FAS: variants seen among roughly 807,000 people sequenced by gnomAD.
FAS encodes the protein tumor necrosis factor receptor superfamily member 6.
Under a neutral mutation model 33.2 loss-of-function variants are expected in FAS, and 5 were observed. That is an observed-to-expected ratio of 0.15 (90% CI 0.08 to 0.32). FAS has a LOEUF of 0.32. Ranked by LOEUF, FAS falls within the 10% of genes least tolerant of loss-of-function variation. The pLI is 1.00. For missense variants in FAS, 339 were observed against 386.0 expected (o/e 0.88, Z 1.02); for synonymous variants, 131 against 130.7 (o/e 1.00, Z -0.01).
At chr10:88,991,908 G>A (rs534233828) in intron 1 of FAS, among the ~76,000 whole-genome samples, 2 of 152,316 alleles carry the variant, frequency 1.3e-5, no homozygotes, top group Admixed American at 1.3e-4. Context: ...GCCTCTGAGA[G>A]TCCATGGATT....
chr10:89,004,406 G>A (rs1203964603), intron 2 of FAS, among the ~76,000 whole-genome samples: 1 of 151,626 alleles, frequency 6.6e-6, no homozygotes. Context: ...GGGTACACAT[G>A]CACAATCTGC....
intron 2 of FAS, 63 bp from the exon 3 acceptor site, chr10:89,007,637 A>G (rs1377443348): frequency 6.3e-7 from 1 of 1,595,630 alleles, no homozygotes; most frequent in African/African-American, 1.4e-5. Context: ...ATCCCTCTAT[A>G]GTTCCCACCC....
chr10:89,012,593 G>C (rs1187298224), intron 7 of FAS: 2 of 159,470 alleles, frequency 1.3e-5, no homozygotes. Flanking sequence ...CACAAAAACC[G>C]TAAGAATCAA....
rs748741856 is a variant in FAS at position 89,015,715 on chromosome 10, AT to A, written c.*1272del. 1.8e-5 allele frequency: 9 copies of A among 498,882 alleles called. No individual in the cohort carries two copies. The highest frequency in any genetic ancestry group is 5.6e-5 in the African/African-American group (3 of 53,122). The allele number at this position is 498,882 out of a possible 1,614,324, so 30.9% of individuals were successfully genotyped here. On this transcript the variant is annotated 3_prime_UTR_variant, in exon 9 of 9. Coordinates refer to ENST00000652046, the MANE Select transcript of FAS (RefSeq NM_000043.6). ...CCTAAAGAACTTCCATTTATGGAGG[AT>A]TTTTTTGCCCCTTGTGTTTGGAATT...
chr10:88,968,665 G>A (rs1337292969), intron 1 of FAS, among the ~76,000 whole-genome samples: 1 of 152,146 alleles, frequency 6.6e-6, no homozygotes, highest in Admixed American at 6.6e-5. Flanking sequence ...GACTTTATAA[G>A]GGAAGGCAGC....
intron 1 of FAS, among the ~76,000 whole-genome samples, chr10:88,964,335 T>C (rs1352810008): frequency 6.6e-6 from 1 of 152,182 alleles, no homozygotes; most frequent in Non-Finnish European, 1.5e-5. Flanking sequence ...AGAAGTGGCT[T>C]AGAACTCTGG....
Position 89,012,094 on chromosome 10 carries a change from A to T in FAS, c.651+13A>T, listed in dbSNP as rs1046083164. 6.3e-7 allele frequency: 1 copy of T among 1,598,028 alleles called. No homozygotes were observed. The highest frequency in any genetic ancestry group is 1.7e-5 in the Admixed American group (1 of 59,954). ...AACTTTAAATCCTGTAGGTATTGAA[A>T]TAGGTATCAGCTTTCCTTGAAAAGA... On this transcript the variant is annotated intron_variant, in intron 7 of 8. Coordinates refer to ENST00000652046, the MANE Select transcript of FAS (RefSeq NM_000043.6).
At chr10:88,968,787 T>C (rs1158950432) in intron 1 of FAS, among the ~76,000 whole-genome samples, 1 of 152,210 alleles carries the variant, frequency 6.6e-6, no homozygotes, top group Non-Finnish European at 1.5e-5. Context: ...TGTCCTCTTT[T>C]CTAGTACCAT....
At chr10:89,010,157 C>T (rs1438215757) in intron 4 of FAS, among the ~76,000 whole-genome samples, 1 of 152,154 alleles carries the variant, frequency 6.6e-6, no homozygotes, top group African/African-American at 2.4e-5. Flanking sequence ...TTTTCTTGGT[C>T]TATAGGAATT....
upstream of FAS, among the ~76,000 whole-genome samples, chr10:88,987,735 C>G (rs559074332): frequency 6.6e-6 from 1 of 152,318 alleles, no homozygotes; most frequent in Admixed American, 6.5e-5. Flanking sequence ...TACCCAAGCC[C>G]TGGGATTGGT....
upstream of FAS, among the ~76,000 whole-genome samples, chr10:88,981,951 A>G (rs563465909): frequency 2.0e-5 from 3 of 152,342 alleles, no homozygotes; most frequent in Admixed American, 2.0e-4. Flanking sequence ...AGTTACCTCT[A>G]TGTGAATCAG....
chr10:89,005,060 TTGA>T (rs1258271821), intron 2 of FAS, among the ~76,000 whole-genome samples: 1 of 152,124 alleles, frequency 6.6e-6, no homozygotes, highest in East Asian at 1.9e-4. Flanking sequence ...TAAAATGTTG[TTGA>T]TGAATTTTGT....
chr10:88,978,966 C>G (rs112802158), intron 2 of FAS, among the ~76,000 whole-genome samples: 1 of 151,758 alleles, frequency 6.6e-6, no homozygotes, highest in Non-Finnish European at 1.5e-5. Flanking sequence ...CACTGCATAG[C>G]ATCTTTTCTA....
chr10:88,979,288 G>A (rs757995460), intron 2 of FAS, among the ~76,000 whole-genome samples: 74 of 152,010 alleles, frequency 4.9e-4, no homozygotes, highest in Non-Finnish European at 8.8e-4. Flanking sequence ...TGAGGTCAGC[G>A]AGTTTCCCGG....
At chr10:88,991,935 C>G (rs1223945832) in intron 1 of FAS, among the ~76,000 whole-genome samples, 1 of 152,060 alleles carries the variant, frequency 6.6e-6, no homozygotes, top group Admixed American at 6.5e-5. Flanking sequence ...TTATTGGGCC[C>G]CAACAAAGTG....
At chr10:89,006,642 CT>C (rs1180242493) in intron 2 of FAS, among the ~76,000 whole-genome samples, 1 of 152,140 alleles carries the variant, frequency 6.6e-6, no homozygotes, top group East Asian at 1.9e-4. Flanking sequence ...CTTCATCTAG[CT>C]TTCCCCATAG....
chr10:88,996,353 T>TA (rs1847592541), intron 1 of FAS, among the ~76,000 whole-genome samples: 1 of 151,958 alleles, frequency 6.6e-6, no homozygotes, highest in Non-Finnish European at 1.5e-5. Context: ...GAAAGACAAA[T>TA]ACTGCATGAT....
rs988532417 is a variant in FAS, at chr10:88,994,152, G to C, written c.30+3246G>C. Among the ~76,000 whole-genome samples the C allele has an allele frequency of 2.0e-5, 3 of 152,260 alleles. No individual in the cohort carries two copies. The East Asian group carries it at 5.8e-4, about 29-fold the overall frequency. ...ATTTCCTTCTGAATACTCTTATACTGACACATAGGAGAAGTGTCAGTGTTT... is the reference window on the plus strand; with the variant it reads ...ATTTCCTTCTGAATACTCTTATACTCACACATAGGAGAAGTGTCAGTGTTT... On this transcript the variant is annotated intron_variant, in intron 1 of 8. Transcript: ENST00000652046.
intron 2 of FAS, chr10:88,973,490 A>C: frequency 9.2e-5 from 68 of 740,762 alleles, no homozygotes; most frequent in Non-Finnish European, 1.0e-4. Flanking sequence ...TCAGTTTCTC[A>C]AGTACTCATG....
Sources: gnomAD v4.1 joint callset for allele counts (sites outside exome capture counted in the v4.1 genomes callset) on GRCh38, gnomAD v4.1.1 for gene constraint, MANE v1.5 for transcripts, NCBI Gene and HGNC (gene_info 2026-07-23, HGNC 2026-07-21) for gene names.